Variants in DEPDC1 observed in about 807,000 individuals in gnomAD.
DEPDC1 encodes the protein DEP domain-containing protein 1A.
Under a neutral mutation model 86.8 loss-of-function variants are expected in DEPDC1, and 66 were observed. The ratio of observed to expected loss-of-function variants is 0.76; its 90% CI spans 0.62 to 0.93. DEPDC1 has a LOEUF of 0.93. DEPDC1 is among the 40% of genes least tolerant of loss of function. DEPDC1 has a pLI of 0.00. For missense variants in DEPDC1, 792 were observed against 935.7 expected (o/e 0.85, Z 2.00); for synonymous variants, 255 against 314.9 (o/e 0.81, Z 2.02).
intron 3 of DEPDC1, 138 bp from the exon 4 acceptor site, chr1:68,489,172 A>T: frequency 1.6e-6 from 1 of 644,718 alleles, no homozygotes; most frequent in Non-Finnish European, 2.6e-6. Context: ...ATGGTAATGG[A>T]GTTTTTAATT....
rs773143176 is a variant in DEPDC1 at position 68,482,632 on chromosome 1, A to G, written c.1176T>C (p.Ala392=). ...LVNLRNRRVS[A]NDIMGGSCHN... ...GACAACTTCCTCCCATTATGTCATT[A>G]GCACTCACTCTTCTGTTTCTTAAAT... Residue 392 remains alanine, a synonymous_variant, in exon 8 of 12, where the codon GCT becomes GCC. Transcript: ENST00000456315. 3 of 1,612,866 alleles carry G rather than the reference A, an allele frequency of 1.9e-6. No homozygotes were observed. The highest frequency in any genetic ancestry group is 2.5e-6 in the Non-Finnish European group (3 of 1,179,256).
intron 10 of DEPDC1, among the ~76,000 whole-genome samples, chr1:68,478,702 G>A (rs534362944): frequency 3.3e-5 from 5 of 151,960 alleles, no homozygotes; most frequent in African/African-American, 1.2e-4. Context: ...CACCTTTTGT[G>A]AAGAATAAAT....
At chr1:68,481,356 A>T (rs138057289) in intron 9 of DEPDC1, 84 bp downstream of exon 9, 2 of 1,217,036 alleles carry the variant, frequency 1.6e-6, no homozygotes, top group Non-Finnish European at 1.2e-6. Flanking sequence ...CTAAGACATC[A>T]CTTGAGTAGT....
chr1:68,480,385 C>T (rs1646147262), intron 9 of DEPDC1, among the ~76,000 whole-genome samples: 2 of 151,740 alleles, frequency 1.3e-5, no homozygotes, highest in South Asian at 4.1e-4. Context: ...AGTTTTATTC[C>T]TACACATCAC....
rs1034111130 is a variant in DEPDC1 at position 68,482,329 on chromosome 1, G to A, written c.1479C>T (p.Asp493=). 1.9e-6 allele frequency: 3 copies of A among 1,612,850 alleles called. No individual in the cohort carries two copies. The African/African-American group carries it at 4.0e-5, about 22-fold the overall frequency. Residue 493 remains aspartate (D), a synonymous_variant, in exon 8 of 12, where the codon GAC becomes GAT. Transcript: ENST00000456315. ...FKRTSTLTVQ[D]QEELCNGKCK... ...ATTTCCCATTACACAACTCCTCTTG[G>A]TCTTGAACAGTCAAAGTAGAGGTTC...
chr1:68,486,649 T>TA (rs1228675068), intron 6 of DEPDC1, among the ~76,000 whole-genome samples: 5 of 151,950 alleles, frequency 3.3e-5, no homozygotes, highest in Non-Finnish European at 7.4e-5. Context: ...GGATTTCACT[T>TA]AAAAAATCCT....
At chr1:68,493,729 A>C (rs1205197825) in intron 2 of DEPDC1, among the ~76,000 whole-genome samples, 2 of 152,084 alleles carry the variant, frequency 1.3e-5, no homozygotes, top group African/African-American at 2.4e-5. Flanking sequence ...TATCATTGTT[A>C]TTTTTTGAGA....
In DEPDC1 at chr1:68,481,471, T is replaced by G. The variant is rs779870742; in HGVS notation, c.1904A>C (p.Lys635Thr). The change falls in exon 9 of 12, where the codon AAA (lysine) becomes ACA (threonine). Residue 635 changes from lysine (K) to threonine (T), a missense_variant. Transcript: ENST00000456315. ...CCTCGTACCCATTGCATCATGAAGTTTGGGCATATCAACATTTTGACTCAT... is the reference window on the plus strand; with the variant it reads ...CCTCGTACCCATTGCATCATGAAGTGTGGGCATATCAACATTTTGACTCAT... ...SRMSQNVDMP[K>T]LHDAMGTRSL... 6.2e-7 allele frequency: 1 copy of G among 1,612,462 alleles called. No individual in the cohort carries two copies. Among genetic ancestry groups the G allele is most frequent in the Non-Finnish European group, 8.5e-7 (1 of 1,179,028 alleles).
intron 9 of DEPDC1, among the ~76,000 whole-genome samples, chr1:68,481,222 T>C (rs1193288594): frequency 6.6e-6 from 1 of 151,706 alleles, no homozygotes; most frequent in African/African-American, 2.4e-5. Flanking sequence ...GCAAAGTCCT[T>C]AGCCAGGATT....
Position 68,479,145 on chromosome 1 carries a change from T to C in DEPDC1, c.2111A>G (p.His704Arg), listed in dbSNP as rs762707972. Residue 704 changes from histidine (H) to arginine (R), a missense_variant and splice_region_variant, in exon 10 of 12, where the codon CAT (histidine) becomes CGT (arginine). Coordinates refer to ENST00000456315, the MANE Select transcript of DEPDC1 (RefSeq NM_001114120.3). ...AATTTTAAGACTCACAATACTTACATGTCCCTTTTTTAAGTAGTCAAGATG... is the reference window on the plus strand; with the variant it reads ...AATTTTAAGACTCACAATACTTACACGTCCCTTTTTTAAGTAGTCAAGATG... ...EKHLDYLKKG[H>R]IENPGDGLFA... is the part of the protein sequence containing the mutation. The C allele has an allele frequency of 3.9e-5, 62 of 1,605,830 alleles. No individual in the cohort carries two copies. Among genetic ancestry groups the C allele is most frequent in the Non-Finnish European group, 4.9e-5 (58 of 1,176,772 alleles).
In DEPDC1 at chr1:68,476,806, C is replaced by T. The variant is rs187381505; in HGVS notation, c.*126G>A. 116 of 867,354 alleles carry T rather than the reference C, an allele frequency of 1.3e-4. 1 individual carries two copies. The Admixed American group carries it at 3.1e-3, about 23-fold the overall frequency. The allele number at this position is 867,354 out of a possible 1,614,324, so 53.7% of individuals were successfully genotyped here. ...ACATTGATAACTATTTTGGCACTTC[C>T]TTACATAATGTGTTTATTTAGAAAT... On this transcript the variant is annotated 3_prime_UTR_variant, in exon 12 of 12. Coordinates refer to ENST00000456315, the MANE Select transcript of DEPDC1 (RefSeq NM_001114120.3).
In DEPDC1 at chr1:68,475,821, G is replaced by C. The variant is rs1646111106; in HGVS notation, c.*1111C>G. The C allele has an allele frequency of 6.6e-6, 1 of 151,798 alleles. No homozygotes were observed. Among genetic ancestry groups the C allele is most frequent in the Non-Finnish European group, 1.5e-5 (1 of 67,808 alleles). 9.4% of individuals were successfully genotyped at this position (151,798 alleles called of 1,614,324 possible). ...CCATTATCTTGACACTTATAAAAAT[G>C]TTTATAAAAAGCATTTAGGCCATTG... On this transcript the variant is annotated 3_prime_UTR_variant, in exon 12 of 12. Coordinates refer to ENST00000456315, the MANE Select transcript of DEPDC1 (RefSeq NM_001114120.3).
rs1366093790 is a variant in DEPDC1 at position 68,476,236 on chromosome 1, T to C, written c.*696A>G. Reference sequence around the variant, plus strand: ...CATAGCAGTTGCTAAATAAATATCTTTTGAATGAATATATGATTGCCTTAT... The same window carrying C: ...CATAGCAGTTGCTAAATAAATATCTCTTGAATGAATATATGATTGCCTTAT... On this transcript the variant is annotated 3_prime_UTR_variant, in exon 12 of 12. Transcript: ENST00000456315. The C allele has an allele frequency of 6.6e-6, 1 of 151,892 alleles. No individual in the cohort carries two copies. Among genetic ancestry groups the C allele is most frequent in the Non-Finnish European group, 1.5e-5 (1 of 67,830 alleles). The allele number at this position is 151,892 out of a possible 1,614,324, so 9.4% of individuals were successfully genotyped here.
At chr1:68,493,573 C>T (rs757050317) in intron 2 of DEPDC1, among the ~76,000 whole-genome samples, 3 of 152,144 alleles carry the variant, frequency 2.0e-5, no homozygotes, top group Non-Finnish European at 4.4e-5. Flanking sequence ...TCAGTTTCCC[C>T]ATCTGTTAAA....
In DEPDC1 at chr1:68,476,772, AAG is replaced by A; in HGVS notation, c.*158_*159del. ...TCAATTGAGATCTAGTTAGTTTCCT[AAG>A]AGTCTCACATTGATAACTATTTTGG... is the stretch of plus-strand genomic sequence containing the variant. On this transcript the variant is annotated 3_prime_UTR_variant, in exon 12 of 12. Transcript: ENST00000456315. 1.7e-6 allele frequency: 1 copy of A among 577,186 alleles called. No homozygotes were observed. The highest frequency in any genetic ancestry group is 1.9e-5 in the African/African-American group (1 of 52,456). The allele number at this position is 577,186 out of a possible 1,614,324, so 35.8% of individuals were successfully genotyped here.
chr1:68,494,097 C>T (rs1002912958), intron 2 of DEPDC1, among the ~76,000 whole-genome samples: 2 of 152,154 alleles, frequency 1.3e-5, no homozygotes, highest in African/African-American at 4.8e-5. Flanking sequence ...GATCTGTGAA[C>T]TTATAATCTA....
At chr1:68,485,214 A>C (rs1398271172) in intron 6 of DEPDC1, among the ~76,000 whole-genome samples, 2 of 151,794 alleles carry the variant, frequency 1.3e-5, no homozygotes, top group Non-Finnish European at 2.9e-5. Flanking sequence ...AGCAAAATAG[A>C]TATTTTTCTA....
chr1:68,478,729 C>A (rs1646133497), intron 10 of DEPDC1, among the ~76,000 whole-genome samples: 1 of 151,952 alleles, frequency 6.6e-6, no homozygotes, highest in Non-Finnish European at 1.5e-5. Context: ...TTGTGTAGAA[C>A]CAATCAGAGT....
intron 10 of DEPDC1, among the ~76,000 whole-genome samples, chr1:68,478,286 G>T (rs372791077): frequency 6.6e-5 from 10 of 151,772 alleles, no homozygotes; most frequent in East Asian, 1.9e-4. Context: ...ATAAAGACAG[G>T]TATTATAATT....
Sources: allele counts gnomAD v4.1 joint callset (sites outside exome capture counted in the v4.1 genomes callset), GRCh38; gene constraint gnomAD v4.1.1; transcripts MANE v1.5; gene names NCBI Gene and HGNC (gene_info 2026-07-23, HGNC 2026-07-21).